Variants in SELP observed in about 807,000 individuals in gnomAD.
SELP encodes P-selectin.
SELP carries 92 observed loss-of-function variants against 104.1 expected under a neutral mutation model. The observed-to-expected ratio is 0.88, with a 90% CI of 0.75 to 1.05. The LOEUF is 1.05. Ranked by LOEUF, SELP falls within the 50% of genes least tolerant of loss-of-function variation. SELP has a pLI of 0.00. For missense variants in SELP, 1,022 were observed against 1,017.3 expected (o/e 1.00, Z -0.06); for synonymous variants, 397 against 364.5 (o/e 1.09, Z -1.01).
intron 7 of SELP, among the ~76,000 whole-genome samples, 197 bp downstream of exon 7, chr1:169,611,295 G>A (rs976131332): frequency 6.6e-6 from 1 of 152,124 alleles, no homozygotes; most frequent in Non-Finnish European, 1.5e-5. Flanking sequence ...TACTTTTTAT[G>A]TACTTAATCC....
Position 169,607,060 on chromosome 1 carries a change from A to T in SELP, c.1408T>A (p.Tyr470Asn). The T allele has an allele frequency of 6.2e-7, 1 of 1,613,378 alleles. No homozygotes were observed. The highest frequency in any genetic ancestry group is 8.5e-7 in the Non-Finnish European group (1 of 1,179,420). ...CAGGTGAAGCTGCAGACTGACTGGT[A>T]CCTAAAGGCACCGAAGGGGTGGGAG... The part of the protein sequence containing the change: ...NCSHPFGAFR[Y>N]QSVCSFTCNE... Residue 470 changes from tyrosine (Y) to asparagine (N), a missense_variant, in exon 9 of 17, where the codon TAC becomes AAC. Coordinates refer to ENST00000263686, the MANE Select transcript of SELP (RefSeq NM_003005.4).
At chr1:169,601,259 C>A (rs1398741484) in intron 10 of SELP, among the ~76,000 whole-genome samples, 1 of 152,112 alleles carries the variant, frequency 6.6e-6, no homozygotes, top group East Asian at 1.9e-4. Flanking sequence ...TGTAGTATAT[C>A]TTTTTGACAG....
intron 1 of SELP, among the ~76,000 whole-genome samples, chr1:169,621,180 T>C (rs573337068): frequency 1.4e-5 from 2 of 145,108 alleles, no homozygotes; most frequent in Admixed American, 6.9e-5. Flanking sequence ...TGTGTGTTCG[T>C]GTGTCATGCC....
chr1:169,621,169 G>C (rs1307182674), intron 1 of SELP, among the ~76,000 whole-genome samples: 1 of 141,570 alleles, frequency 7.1e-6, no homozygotes, highest in Non-Finnish European at 1.5e-5. Context: ...GTGGGGTTGT[G>C]TGTGTGTTCG....
chr1:169,626,219 G>T (rs1663365713), intron 1 of SELP, among the ~76,000 whole-genome samples: 1 of 152,216 alleles, frequency 6.6e-6, no homozygotes, highest in Admixed American at 6.5e-5. Context: ...CGAGCCGGGG[G>T]TAGTGACAGA....
chr1:169,619,199 G>T lies in SELP; in HGVS notation c.24C>A (p.Ile8=). 1 of 1,614,042 alleles carries T rather than the reference G, an allele frequency of 6.2e-7. No individual in the cohort carries two copies. The highest frequency in any genetic ancestry group is 1.1e-5 in the South Asian group (1 of 91,082). ...CCACTCTCTGGAATCTCTGGTACAA[G>T]ATGGCTATTTGGCAGTTGGCCTGAA... MANCQIA[I]LYQRFQRVVF... The change falls in exon 2 of 17, where the codon ATC becomes ATA. Residue 8 remains isoleucine, a synonymous_variant. Transcript: ENST00000263686.
chr1:169,600,526 G>A (rs1290963585), intron 10 of SELP, among the ~76,000 whole-genome samples: 1 of 152,146 alleles, frequency 6.6e-6, no homozygotes, highest in African/African-American at 2.4e-5. Context: ...AGAGGGCCCA[G>A]GGAACCGGCA....
chr1:169,625,459 C>G (rs1663328436), intron 1 of SELP, among the ~76,000 whole-genome samples: 1 of 152,154 alleles, frequency 6.6e-6, no homozygotes, highest in African/African-American at 2.4e-5. Flanking sequence ...TTCCAATGTC[C>G]TCTAATCAGC....
intron 1 of SELP, among the ~76,000 whole-genome samples, chr1:169,626,984 C>T (rs1663402673): frequency 1.4e-5 from 2 of 146,800 alleles, no homozygotes; most frequent in African/African-American, 5.0e-5. Flanking sequence ...TAGTGCGATA[C>T]TTTTTTTTTT....
intron 9 of SELP, among the ~76,000 whole-genome samples, chr1:169,605,588 T>C (rs1355927015): frequency 6.6e-6 from 1 of 152,170 alleles, no homozygotes; most frequent in African/African-American, 2.4e-5. Flanking sequence ...TTCACTCAAA[T>C]GTTGAAAGTC....
chr1:169,608,884 C>T lies in SELP; in HGVS notation c.1333+620G>A, dbSNP rs550292580. 1.5e-4 allele frequency among the ~76,000 whole-genome samples: 23 copies of T among 152,238 alleles called. 1 individual carries two copies. Among genetic ancestry groups the T allele is most frequent in the South Asian group, 8.3e-4 (4 of 4,824 alleles). On this transcript the variant is annotated intron_variant, in intron 8 of 16. Transcript: ENST00000263686. ...AATAATCCTTGTGAACCACCACACC[C>T]GCCCCCCATGAGTGCCTTAGTATAA...
chr1:169,615,837 T>C (rs959864082), intron 3 of SELP, among the ~76,000 whole-genome samples: 1 of 152,244 alleles, frequency 6.6e-6, no homozygotes, highest in African/African-American at 2.4e-5. Flanking sequence ...CTGTGTATTC[T>C]GTTCCATACC....
intron 3 of SELP, among the ~76,000 whole-genome samples, chr1:169,614,236 T>C (rs946700366): frequency 2.0e-5 from 3 of 152,246 alleles, no homozygotes; most frequent in Non-Finnish European, 2.9e-5. Flanking sequence ...TTCAAATCTA[T>C]GTCCAGAATC....
Position 169,596,029 on chromosome 1 carries a change from G to A in SELP, c.1997C>T (p.Thr666Ile). Residue 666 changes from threonine to isoleucine, a missense_variant, in exon 12 of 17, where the codon ACC becomes ATC. Coordinates refer to ENST00000263686, the MANE Select transcript of SELP (RefSeq NM_003005.4). ...RHHPGTFGFN[T>I]TCYFGCNAGF... Reference sequence around the variant, plus strand: ...AGCGTTGCAGCCAAAGTAACAAGTGGTATTAAAACCAAAGGTTCCCGGATG... The same window carrying A: ...AGCGTTGCAGCCAAAGTAACAAGTGATATTAAAACCAAAGGTTCCCGGATG... 1.9e-6 allele frequency: 3 copies of A among 1,613,960 alleles called. No individual in the cohort carries two copies. The highest frequency in any genetic ancestry group is 2.5e-6 in the Non-Finnish European group (3 of 1,179,866).
rs546755660 is a variant in SELP at position 169,594,580 on chromosome 1, G to T, written c.2287+112C>A. ...CATTGTGAAACACTTATTAAGCAGG[G>T]GGAAACCCGGGGATGGAAAGCAAGA... On this transcript the variant is annotated intron_variant, in intron 13 of 16. Coordinates refer to ENST00000263686, the MANE Select transcript of SELP (RefSeq NM_003005.4). The T allele has an allele frequency of 1.2e-5, 12 of 1,009,968 alleles. No individual in the cohort carries two copies. In the Admixed American group the frequency reaches 2.7e-4, roughly 22 times the overall value. 62.6% of individuals were successfully genotyped at this position (1,009,968 alleles called of 1,614,324 possible).
chr1:169,617,321 C>T lies in SELP; in HGVS notation c.188G>A (p.Arg63His), dbSNP rs377248328. 1.4e-5 allele frequency: 22 copies of T among 1,613,902 alleles called. No individual in the cohort carries two copies. The highest frequency in any genetic ancestry group is 4.0e-5 in the African/African-American group (3 of 74,866). Residue 63 changes from arginine to histidine, a missense_variant, in exon 3 of 17, where the codon CGC becomes CAC. Physicochemically the swap from Arg to His is conservative, Grantham distance 29. Coordinates refer to ENST00000263686, the MANE Select transcript of SELP (RefSeq NM_003005.4). ...CTGGATGGCCACTAAGTCTGTGTAG[C>T]GATTCTGGCAGTATTTACGGGAAAT... ...WNISRKYCQN[R>H]YTDLVAIQNK...
chr1:169,612,202 C>G lies in SELP; in HGVS notation c.961+15G>C. Reference sequence around the variant, plus strand: ...GTGCAATGGACATTATACATCCCAACTACCTGAAACTCACCTTTACACACT... The same window carrying G: ...GTGCAATGGACATTATACATCCCAAGTACCTGAAACTCACCTTTACACACT... On this transcript the variant is annotated intron_variant, in intron 6 of 16. Coordinates refer to ENST00000263686, the MANE Select transcript of SELP (RefSeq NM_003005.4). 1 of 1,612,158 alleles carries G rather than the reference C, an allele frequency of 6.2e-7. No homozygotes were observed. Among genetic ancestry groups the G allele is most frequent in the South Asian group, 1.1e-5 (1 of 90,986 alleles).
At chr1:169,625,095 C>A (rs184889557) in intron 1 of SELP, among the ~76,000 whole-genome samples, 1 of 152,294 alleles carries the variant, frequency 6.6e-6, no homozygotes, top group East Asian at 1.9e-4. Flanking sequence ...TTGCCTCCCC[C>A]TTACTCTCCA....
intron 10 of SELP, among the ~76,000 whole-genome samples, chr1:169,599,872 C>T (rs1258421944): frequency 6.6e-6 from 1 of 152,100 alleles, no homozygotes; most frequent in East Asian, 1.9e-4. Flanking sequence ...GACTTGGAAC[C>T]AGGACCCCTC....
Sources: allele counts gnomAD v4.1 joint callset (sites outside exome capture counted in the v4.1 genomes callset), GRCh38; gene constraint gnomAD v4.1.1; transcripts MANE v1.5; gene names NCBI Gene and HGNC (gene_info 2026-07-23, HGNC 2026-07-21).